Variants in PRKAR2B observed in about 807,000 individuals in gnomAD.
PRKAR2B encodes the protein cAMP-dependent protein kinase type II-beta regulatory subunit.
A neutral mutation model predicts 49.9 loss-of-function variants in PRKAR2B; 14 were observed. That is an observed-to-expected ratio of 0.28 (90% confidence interval 0.19 to 0.44). PRKAR2B has a LOEUF of 0.44. PRKAR2B is among the 20% of genes least tolerant of loss of function. The pLI is 1.00. For missense variants in PRKAR2B, 393 were observed against 537.9 expected (o/e 0.73, Z 2.67); for synonymous variants, 196 against 197.7 (o/e 0.99, Z 0.07).
intron 5 of PRKAR2B, among the ~76,000 whole-genome samples, chr7:107,144,053 CTTATTTATTTAT>C (rs60565381): frequency 0.42 from 60,059 of 143,306 alleles, 12,999 homozygotes; most frequent in South Asian, 0.57. Context: ...CAATTCTTTT[CTTATTTATTTAT>C]TTATTTATTT....
intron 2 of PRKAR2B, among the ~76,000 whole-genome samples, chr7:107,082,307 A>G (rs1310233566): frequency 2.0e-5 from 3 of 152,194 alleles, no homozygotes; most frequent in African/African-American, 4.8e-5. Flanking sequence ...TACTTTAAAA[A>G]TGATATTGCT....
chr7:107,141,814 G>C (rs1795795004), intron 5 of PRKAR2B, among the ~76,000 whole-genome samples: 3 of 152,152 alleles, frequency 2.0e-5, no homozygotes, highest in African/African-American at 7.2e-5. Context: ...TAAGTAGTTT[G>C]TGCATCCTTC....
chr7:107,055,648 T>C (rs1342137206), intron 1 of PRKAR2B, among the ~76,000 whole-genome samples: 2 of 152,220 alleles, frequency 1.3e-5, no homozygotes, highest in Non-Finnish European at 2.9e-5. Flanking sequence ...TTGCCCCCTT[T>C]TTGATGGGGT....
At chr7:107,124,633 T>C (rs1407595648) in intron 3 of PRKAR2B, among the ~76,000 whole-genome samples, 1 of 152,244 alleles carries the variant, frequency 6.6e-6, no homozygotes, top group African/African-American at 2.4e-5. Context: ...TTGGCCAGGC[T>C]GGTCTTGAAC....
intron 2 of PRKAR2B, among the ~76,000 whole-genome samples, chr7:107,114,048 A>C (rs1795221596): frequency 6.6e-6 from 1 of 152,196 alleles, no homozygotes; most frequent in African/African-American, 2.4e-5. Flanking sequence ...CCATGCTATA[A>C]ATAAGTCAGT....
At chr7:107,101,105 C>T (rs986414950) in intron 2 of PRKAR2B, among the ~76,000 whole-genome samples, 41 of 136,364 alleles carry the variant, frequency 3.0e-4, no homozygotes, top group African/African-American at 1.1e-3. Context: ...GTTCTGGATT[C>T]TGATTTCCTC....
intron 2 of PRKAR2B, among the ~76,000 whole-genome samples, chr7:107,103,255 A>G (rs2116815903): frequency 6.6e-6 from 1 of 152,354 alleles, no homozygotes; most frequent in South Asian, 2.1e-4. Flanking sequence ...TAACAATGTT[A>G]TAGTAAAACT....
At chr7:107,134,360 TAG>T (rs1795658521) in intron 4 of PRKAR2B, among the ~76,000 whole-genome samples, 1 of 152,154 alleles carries the variant, frequency 6.6e-6, no homozygotes, top group African/African-American at 2.4e-5. Flanking sequence ...AACAATATAT[TAG>T]TATTTATAGA....
chr7:107,143,945 G>C (rs1795836956), intron 5 of PRKAR2B, among the ~76,000 whole-genome samples: 2 of 152,126 alleles, frequency 1.3e-5, no homozygotes, highest in South Asian at 4.1e-4. Flanking sequence ...TTTTGGATGA[G>C]GGAAACTAAC....
intron 5 of PRKAR2B, among the ~76,000 whole-genome samples, chr7:107,142,514 C>G (rs1271248344): frequency 1.3e-5 from 2 of 152,142 alleles, no homozygotes; most frequent in African/African-American, 4.8e-5. Context: ...TTTTGACTTT[C>G]AAAACTGCCT....
chr7:107,133,800 A>G (rs1795645743), intron 4 of PRKAR2B: 1 of 152,206 alleles, frequency 6.6e-6, no homozygotes, highest in South Asian at 2.1e-4. Context: ...TAAAAAATAT[A>G]AATCAGTATA....
intron 2 of PRKAR2B, among the ~76,000 whole-genome samples, chr7:107,075,401 A>G (rs911957279): frequency 7.2e-6 from 1 of 137,978 alleles, no homozygotes; most frequent in East Asian, 2.1e-4. Flanking sequence ...ACACCTGGCA[A>G]TTTTTTTTTT....
chr7:107,079,064 G>A (rs1462202604), intron 2 of PRKAR2B, among the ~76,000 whole-genome samples: 3 of 152,156 alleles, frequency 2.0e-5, no homozygotes, highest in Non-Finnish European at 4.4e-5. Flanking sequence ...TGGGGAAAGG[G>A]GTCGGGGAGT....
chr7:107,074,951 C>T (rs1223233250), intron 2 of PRKAR2B, among the ~76,000 whole-genome samples: 2 of 151,964 alleles, frequency 1.3e-5, no homozygotes, highest in Admixed American at 6.6e-5. Context: ...TGAAGTTGTA[C>T]TGACTAGAGT....
At chr7:107,131,592 A>G (rs375560387) in intron 4 of PRKAR2B, among the ~76,000 whole-genome samples, 7 of 152,334 alleles carry the variant, frequency 4.6e-5, no homozygotes, top group African/African-American at 1.7e-4. Flanking sequence ...GAAGAAGCAA[A>G]TGTATATACA....
chr7:107,090,633 C>G (rs181330739), intron 2 of PRKAR2B, among the ~76,000 whole-genome samples: 1 of 152,328 alleles, frequency 6.6e-6, no homozygotes, highest in East Asian at 1.9e-4. Flanking sequence ...GCTGAGCTTC[C>G]TTTCCAGCCT....
intron 2 of PRKAR2B, among the ~76,000 whole-genome samples, chr7:107,070,842 A>G (rs1794250837): frequency 1.3e-5 from 2 of 152,204 alleles, no homozygotes; most frequent in Non-Finnish European, 2.9e-5. Context: ...TTAGAATAGG[A>G]GCAAATTGCT....
chr7:107,089,337 C>T (rs932926259), intron 2 of PRKAR2B, among the ~76,000 whole-genome samples: 16 of 152,194 alleles, frequency 1.1e-4, no homozygotes, highest in African/African-American at 3.9e-4. Context: ...TACTGTTGAT[C>T]AGTCATTCTA....
chr7:107,050,669 T>C (rs1427604739), intron 1 of PRKAR2B, among the ~76,000 whole-genome samples: 4 of 152,042 alleles, frequency 2.6e-5, no homozygotes, highest in Admixed American at 2.6e-4. Flanking sequence ...AGGTGAGAGA[T>C]TCAGTGAAGA....
Sources: allele counts gnomAD v4.1 joint callset (sites outside exome capture counted in the v4.1 genomes callset), GRCh38; gene constraint gnomAD v4.1.1; transcripts MANE v1.5; gene names NCBI Gene and HGNC (gene_info 2026-07-23, HGNC 2026-07-21).